The following CSMD2 variants were observed in gnomAD, a reference collection of about 807,000 sequenced individuals.
The protein encoded by CSMD2 is CUB and sushi domain-containing protein 2.
A neutral mutation model predicts 398.5 loss-of-function variants in CSMD2; 130 were observed. The observed-to-expected ratio is 0.33, with a 90% CI of 0.28 to 0.38. The LOEUF (loss-of-function observed/expected upper bound fraction) is 0.38, where lower values mean the gene tolerates loss of function less well. Among genes scored for constraint, CSMD2 ranks in the 10% least tolerant of loss-of-function variants. CSMD2 has a pLI of 1.00. For synonymous variants in CSMD2, 1,828 were observed against 1,908.5 expected, an observed-to-expected ratio of 0.96 and a Z score of 1.10; for missense variants, 3,829 against 4,764.9, an observed-to-expected ratio of 0.80 and a Z score of 5.78.
intron 5 of CSMD2, among the ~76,000 whole-genome samples, chr1:33,904,300 G>A (rs1475863862): frequency 2.6e-5 from 4 of 152,216 alleles, no homozygotes; most frequent in African/African-American, 9.7e-5. Flanking sequence ...GTGGGAGGTC[G>A]TGGAGAAGGC....
At chr1:33,534,147 C>T (rs1184513248) in intron 62 of CSMD2, among the ~76,000 whole-genome samples, 3 of 152,108 alleles carry the variant, frequency 2.0e-5, no homozygotes, top group South Asian at 2.1e-4. Flanking sequence ...GTTGTGGACA[C>T]GGTGGCTGAT....
intron 3 of CSMD2, among the ~76,000 whole-genome samples, chr1:33,968,913 G>A (rs561449448): frequency 2.0e-5 from 3 of 152,186 alleles, no homozygotes; most frequent in Non-Finnish European, 4.4e-5. Context: ...CTTGTTCTGG[G>A]ACTTTACCAC....
chr1:33,561,484 T>C (rs1034231001), intron 53 of CSMD2, among the ~76,000 whole-genome samples: 4 of 152,208 alleles, frequency 2.6e-5, no homozygotes, highest in African/African-American at 9.7e-5. Context: ...ACATAATTAT[T>C]TATAATCAAA....
chr1:34,144,847 T>C (rs1224204585), intron 1 of CSMD2, among the ~76,000 whole-genome samples: 1 of 152,202 alleles, frequency 6.6e-6, no homozygotes, highest in African/African-American at 2.4e-5. Context: ...GTGAGCTATT[T>C]TCAATATTTC....
At chr1:33,688,728 A>G (rs879772755) in intron 25 of CSMD2, among the ~76,000 whole-genome samples, 3 of 152,054 alleles carry the variant, frequency 2.0e-5, no homozygotes, top group Non-Finnish European at 2.9e-5. Flanking sequence ...AGGCATGAGA[A>G]CTGCTTGAAC....
intron 48 of CSMD2, among the ~76,000 whole-genome samples, chr1:33,578,941 C>T (rs532118071): frequency 1.3e-5 from 2 of 152,300 alleles, no homozygotes; most frequent in East Asian, 3.9e-4. Context: ...GTGCTGTATC[C>T]ACATGGTTAC....
intron 2 of CSMD2, among the ~76,000 whole-genome samples, chr1:34,082,381 C>T (rs1427754322): frequency 8.0e-5 from 12 of 150,872 alleles, no homozygotes; most frequent in Non-Finnish European, 1.0e-4. Context: ...AGGTGGGGGG[C>T]GACCCCGCCC....
intron 3 of CSMD2, among the ~76,000 whole-genome samples, chr1:34,027,465 T>C (rs1163328439): frequency 6.6e-6 from 1 of 152,238 alleles, no homozygotes; most frequent in Non-Finnish European, 1.5e-5. Flanking sequence ...GATGGAATTA[T>C]GTATAAAATG....
intron 6 of CSMD2, chr1:33,838,481 C>T (rs1459177749): frequency 6.6e-6 from 1 of 152,228 alleles, no homozygotes. Flanking sequence ...TCCCTTGTAG[C>T]TGAGGGCTGC....
At chr1:33,904,752 T>A (rs1373890589) in intron 5 of CSMD2, among the ~76,000 whole-genome samples, 1 of 152,152 alleles carries the variant, frequency 6.6e-6, no homozygotes, top group African/African-American at 2.4e-5. Flanking sequence ...CTCCACCTCC[T>A]GGGTTCATGC....
chr1:33,819,615 T>G (rs1657872799), intron 9 of CSMD2, 98 bp downstream of exon 9: 1 of 1,107,342 alleles, frequency 9.0e-7, no homozygotes. Context: ...GGAGCCAGTC[T>G]GCTTGAGAGC....
chr1:34,126,323 G>A (rs1662736127), intron 1 of CSMD2, among the ~76,000 whole-genome samples: 1 of 152,162 alleles, frequency 6.6e-6, no homozygotes, highest in African/African-American at 2.4e-5. Flanking sequence ...GACTCTGGCT[G>A]AGCCCACCTA....
At chr1:33,822,158 A>G (rs1245059906) in intron 7 of CSMD2, among the ~76,000 whole-genome samples, 1 of 152,144 alleles carries the variant, frequency 6.6e-6, no homozygotes, top group Non-Finnish European at 1.5e-5. Flanking sequence ...AAATTTTGTG[A>G]TTATTCAGGC....
In CSMD2 at chr1:34,046,783, T is replaced by C. The variant is rs1242009845; in HGVS notation, c.405-14077A>G. ...ATGCCCTATTAAACGCTATGTACTA[T>C]GCTTGGTTCTCAGGATAAAAATGCC... On this transcript the variant is annotated intron_variant, in intron 2 of 70. Transcript: ENST00000373381. Among the ~76,000 whole-genome samples, 4 of 152,330 alleles carry C rather than the reference T, an allele frequency of 2.6e-5. No homozygotes were observed. In the East Asian group the frequency reaches 5.8e-4, roughly 22 times the overall value.
At position 33,617,589 on chromosome 1, in the gene CSMD2, A is replaced by T. The variant is rs780982586; in HGVS notation, c.5856T>A (p.Pro1952=). 3 of 1,614,016 alleles carry T rather than the reference A, an allele frequency of 1.9e-6. No homozygotes were observed. The Admixed American group carries it at 5.0e-5, about 27-fold the overall frequency. The part of the protein sequence containing the change: ...KTVGLSSCPE[P]AVPSNGVKTG... The stretch of plus-strand genomic sequence containing the variant: ...TCTTCACCCCGTTACTGGGCACAGC[A>T]GGTTCCGGACAACTGCTCAGGCCCA... Residue 1952 remains proline, a synonymous_variant, in exon 38 of 71, where the codon CCT becomes CCA. Coordinates refer to ENST00000373381, the MANE Select transcript of CSMD2 (RefSeq NM_001281956.2).
intron 55 of CSMD2, among the ~76,000 whole-genome samples, chr1:33,555,610 A>G (rs562942218): frequency 6.6e-6 from 1 of 152,316 alleles, no homozygotes; most frequent in East Asian, 1.9e-4. Context: ...TATTTCAAGA[A>G]ATTGCCACAG....
chr1:33,731,874 T>C (rs1019366436), intron 15 of CSMD2, among the ~76,000 whole-genome samples: 20 of 152,184 alleles, frequency 1.3e-4, no homozygotes, highest in Non-Finnish European at 2.4e-4. Context: ...TAAAATGTCA[T>C]AGATGAAGTG....
chr1:33,746,065 A>G (rs1440743461), intron 13 of CSMD2, among the ~76,000 whole-genome samples: 2 of 152,154 alleles, frequency 1.3e-5, no homozygotes, highest in Admixed American at 1.3e-4. Flanking sequence ...CATGTCTCTC[A>G]GTATGAGAAT....
intron 5 of CSMD2, chr1:33,878,431 T>C (rs1034100936): frequency 2.0e-5 from 3 of 152,296 alleles, no homozygotes; most frequent in African/African-American, 7.2e-5. Context: ...TCCCTTGAGC[T>C]GCCAGGTGTT....
Sources: allele counts gnomAD v4.1 joint callset (sites outside exome capture counted in the v4.1 genomes callset), GRCh38; gene constraint gnomAD v4.1.1; transcripts MANE v1.5; gene names NCBI Gene and HGNC (gene_info 2026-07-23, HGNC 2026-07-21).